MGMT: variants seen among roughly 807,000 people sequenced by gnomAD.
MGMT encodes the protein O-6-methylguanine-DNA methyltransferase, also known as methylated-DNA--protein-cysteine methyltransferase.
A neutral mutation model predicts 15.9 loss-of-function variants in MGMT; 14 were observed. That is an observed-to-expected ratio of 0.88 (90% CI 0.58 to 1.37). The LOEUF (loss-of-function observed/expected upper bound fraction) is 1.37. Among genes scored for constraint, MGMT ranks in the 40% most tolerant of loss-of-function variants. The pLI, the probability that MGMT is intolerant of heterozygous loss-of-function variation, is 0.00. For synonymous variants in MGMT, 130 were observed against 118.2 expected, an observed-to-expected ratio of 1.10 and a Z score of -0.65; for missense variants, 282 against 268.1, an observed-to-expected ratio of 1.05 and a Z score of -0.36.
chr10:129,615,654 C>T (rs1379764151), intron 2 of MGMT, among the ~76,000 whole-genome samples: 1 of 152,006 alleles, frequency 6.6e-6, no homozygotes, highest in Admixed American at 6.6e-5. Context: ...TTTTGGTTGG[C>T]GTGGATGAGA....
In MGMT at chr10:129,503,511, G is replaced by A. The variant is rs116366809; in HGVS notation, c.-12-32730G>A. ...TTATGAAATGTGGTGTTGCAATAAG[G>A]GAGGGAGAGTGATATTATGGCTGGA... On this transcript the variant is annotated intron_variant, in intron 1 of 4. Coordinates refer to ENST00000651593, the MANE Select transcript of MGMT (RefSeq NM_002412.5). Among the ~76,000 whole-genome samples the A allele has an allele frequency of 4.7e-3, 723 of 152,328 alleles. 5 individuals carry two copies. The highest frequency in any genetic ancestry group is 0.015 in the African/African-American group (619 of 41,562).
At chr10:129,604,792 A>G (rs1029792030) in intron 2 of MGMT, among the ~76,000 whole-genome samples, 3 of 143,118 alleles carry the variant, frequency 2.1e-5, no homozygotes, top group African/African-American at 7.7e-5. Context: ...CATTTTCACA[A>G]TGATGTCTCC....
intron 2 of MGMT, among the ~76,000 whole-genome samples, chr10:129,683,630 A>G (rs528467900): frequency 1.3e-5 from 2 of 152,300 alleles, no homozygotes; most frequent in East Asian, 3.9e-4. Context: ...CATTCAGTGT[A>G]TATTGACTTG....
At position 129,467,386 on chromosome 10, in the gene MGMT, C is replaced by A. The variant is rs570130544; in HGVS notation, c.-13+90C>A. The A allele has an allele frequency of 1.7e-4, 238 of 1,390,414 alleles. No individual in the cohort carries two copies. In the African/African-American group the frequency reaches 3.3e-3, roughly 19 times the overall value. 86.1% of individuals were successfully genotyped at this position (1,390,414 alleles called of 1,614,324 possible). A position where few individuals can be genotyped will look rare whatever the true frequency, so the allele number is the denominator to read the frequency against. ...TCGAGTGGTCCTGCAGGCGCCCTCA[C>A]TTCGCCGTCGGGTGTGGGGCCGCCC... On this transcript the variant is annotated intron_variant, in intron 1 of 4. Coordinates refer to ENST00000651593, the MANE Select transcript of MGMT (RefSeq NM_002412.5).
intron 2 of MGMT, among the ~76,000 whole-genome samples, chr10:129,558,091 C>A (rs1846235685): frequency 6.6e-6 from 1 of 152,146 alleles, no homozygotes; most frequent in Non-Finnish European, 1.5e-5. Context: ...GCGTGAAGAG[C>A]CCGCACAGGC....
chr10:129,693,042 G>A lies in MGMT; in HGVS notation c.126-14853G>A, dbSNP rs1235110933. Among the ~76,000 whole-genome samples the A allele has an allele frequency of 2.6e-5, 4 of 152,346 alleles. No individual in the cohort carries two copies. In the East Asian group the frequency reaches 7.7e-4, roughly 29 times the overall value. Reference sequence around the variant, plus strand: ...AAAAATCCACCAATGTACTTTTAGTGCAGTATTAACACATGGTAGAAAATG... The same window carrying A: ...AAAAATCCACCAATGTACTTTTAGTACAGTATTAACACATGGTAGAAAATG... On this transcript the variant is annotated intron_variant, in intron 2 of 4. Coordinates refer to ENST00000651593, the MANE Select transcript of MGMT (RefSeq NM_002412.5).
At chr10:129,689,901 C>T (rs1022594465) in intron 2 of MGMT, among the ~76,000 whole-genome samples, 4 of 152,184 alleles carry the variant, frequency 2.6e-5, no homozygotes, top group Non-Finnish European at 5.9e-5. Context: ...ACTAAAACTG[C>T]GTAATACTGG....
chr10:129,531,364 G>T (rs1296994638), intron 1 of MGMT, among the ~76,000 whole-genome samples: 1 of 152,134 alleles, frequency 6.6e-6, no homozygotes, highest in Non-Finnish European at 1.5e-5. Flanking sequence ...CCTCCGCCTG[G>T]CTGGGTTGCG....
intron 2 of MGMT, among the ~76,000 whole-genome samples, chr10:129,625,305 T>G (rs1205261038): frequency 6.6e-6 from 1 of 152,188 alleles, no homozygotes; most frequent in Non-Finnish European, 1.5e-5. Flanking sequence ...GTAATTCCAA[T>G]CTTATATTAG....
intron 2 of MGMT, among the ~76,000 whole-genome samples, chr10:129,545,440 C>T (rs953701174): frequency 4.6e-5 from 7 of 152,198 alleles, no homozygotes; most frequent in Admixed American, 4.6e-4. Context: ...TGATATCACT[C>T]GCCTACTGTA....
chr10:129,681,225 CTG>C (rs1432631096), intron 2 of MGMT, among the ~76,000 whole-genome samples: 1 of 152,224 alleles, frequency 6.6e-6, no homozygotes, highest in Non-Finnish European at 1.5e-5. Context: ...GTGTGCCCCG[CTG>C]TGGCACTGTA....
chr10:129,491,172 G>T (rs1358863155), intron 1 of MGMT, among the ~76,000 whole-genome samples: 1 of 151,924 alleles, frequency 6.6e-6, no homozygotes, highest in African/African-American at 2.4e-5. Flanking sequence ...TGTTTACTTA[G>T]TTTTTAATGC....
intron 2 of MGMT, among the ~76,000 whole-genome samples, chr10:129,602,634 A>C (rs1846837652): frequency 6.6e-6 from 1 of 152,148 alleles, no homozygotes; most frequent in South Asian, 2.1e-4. Flanking sequence ...CTTGTGAAGC[A>C]CAAGATACAT....
intron 2 of MGMT, among the ~76,000 whole-genome samples, chr10:129,641,678 T>C (rs958025782): frequency 6.6e-6 from 1 of 152,204 alleles, no homozygotes; most frequent in African/African-American, 2.4e-5. Context: ...ACAAAATGAC[T>C]CATTGGAATT....
intron 2 of MGMT, among the ~76,000 whole-genome samples, chr10:129,584,898 C>T (rs935903926): frequency 4.6e-5 from 7 of 152,112 alleles, no homozygotes; most frequent in East Asian, 1.9e-4. Flanking sequence ...AAGTCAGTTT[C>T]GCCTTTTGGT....
At chr10:129,583,558 A>T (rs1414606928) in intron 2 of MGMT, among the ~76,000 whole-genome samples, 2 of 152,184 alleles carry the variant, frequency 1.3e-5, no homozygotes, top group Non-Finnish European at 2.9e-5. Flanking sequence ...TTCTGGATAG[A>T]TTGCAGCCTA....
chr10:129,706,897 C>A (rs1564768547), intron 2 of MGMT, among the ~76,000 whole-genome samples: 1 of 152,026 alleles, frequency 6.6e-6, no homozygotes, highest in African/African-American at 2.4e-5. Flanking sequence ...GAAGCAGCCA[C>A]AAAACAGTCT....
intron 1 of MGMT, among the ~76,000 whole-genome samples, chr10:129,534,444 G>A (rs1291857884): frequency 1.3e-5 from 2 of 152,090 alleles, no homozygotes; most frequent in African/African-American, 2.4e-5. Flanking sequence ...GAAAAGGGGA[G>A]GTTTTGCAGG....
At chr10:129,547,757 G>A (rs1332806991) in intron 2 of MGMT, among the ~76,000 whole-genome samples, 1 of 152,204 alleles carries the variant, frequency 6.6e-6, no homozygotes, top group Non-Finnish European at 1.5e-5. Flanking sequence ...AGTAACACTG[G>A]GGAGTGTTCA....
Sources: gnomAD v4.1 joint callset for allele counts (sites outside exome capture counted in the v4.1 genomes callset) on GRCh38, gnomAD v4.1.1 for gene constraint, MANE v1.5 for transcripts, NCBI Gene and HGNC (gene_info 2026-07-23, HGNC 2026-07-21) for gene names.